Variants in ANXA11 observed in about 807,000 individuals in gnomAD.
The protein encoded by ANXA11 is annexin A11.
In ANXA11, 57 loss-of-function variants were observed where a neutral mutation model predicts 64.7. The ratio of observed to expected loss-of-function variants is 0.88; its 90% CI spans 0.71 to 1.10. ANXA11 has a LOEUF of 1.10. ANXA11 is among the 50% of genes least tolerant of loss of function. ANXA11 has a pLI of 0.00. For synonymous variants in ANXA11, 260 were observed against 265.2 expected, an observed-to-expected ratio of 0.98 and a Z score of 0.19; for missense variants, 675 against 670.7, an observed-to-expected ratio of 1.01 and a Z score of -0.07.
rs546511282 is a variant in ANXA11, at chr10:80,196,241, C to T, written c.-58+9102G>A. On this transcript the variant is annotated intron_variant, in intron 1 of 15. Transcript: ENST00000422982. ...GAAGGCTGAGCTGACTCTTGACATG[C>T]AAAGGTCACACACCCAAGTGCCAGA... Among the ~76,000 whole-genome samples the T allele has an allele frequency of 9.2e-5, 14 of 152,332 alleles. No homozygotes were observed. The South Asian group carries it at 2.7e-3, about 29-fold the overall frequency.
In ANXA11 at chr10:80,155,778, AACAG is replaced by A. The variant is rs2132351817; in HGVS notation, c.*71_*74del. 1 of 1,399,486 alleles carries A rather than the reference AACAG, an allele frequency of 7.1e-7. No individual in the cohort carries two copies. The highest frequency in any genetic ancestry group is 1.4e-5 in the African/African-American group (1 of 70,664). The allele number at this position is 1,399,486 out of a possible 1,614,324, so 86.7% of individuals were successfully genotyped here. On this transcript the variant is annotated 3_prime_UTR_variant, in exon 16 of 16. Transcript: ENST00000422982. ...CGGGGCTATTTGTGGATTTGTTAGA[AACAG>A]ACATTCTTTTGGCCTTTTCCTGGCA...
At chr10:80,166,620 A>C in intron 7 of ANXA11, 1 of 519,760 alleles carries the variant, frequency 1.9e-6, no homozygotes, top group Non-Finnish European at 3.5e-6. Context: ...GGGAAGGAAA[A>C]TGATGTGGCC....
chr10:80,186,041 G>A (rs1015881372), intron 1 of ANXA11, among the ~76,000 whole-genome samples: 3 of 152,200 alleles, frequency 2.0e-5, no homozygotes, highest in Admixed American at 6.5e-5. Flanking sequence ...CACAGACTCT[G>A]AAGCCAGACT....
intron 3 of ANXA11, chr10:80,171,668 G>C: frequency 1.0e-6 from 1 of 985,526 alleles, no homozygotes. Context: ...GGGGCCTCTG[G>C]CCTGTTAGAT....
intron 3 of ANXA11, among the ~76,000 whole-genome samples, chr10:80,172,290 A>G (rs1444557831): frequency 2.6e-5 from 4 of 152,142 alleles, no homozygotes; most frequent in African/African-American, 9.7e-5. Flanking sequence ...TTTGACCCTT[A>G]GCATCTGCCT....
chr10:80,192,301 A>C (rs1300079033), intron 1 of ANXA11, among the ~76,000 whole-genome samples: 1 of 152,228 alleles, frequency 6.6e-6, no homozygotes, highest in South Asian at 2.1e-4. Context: ...TATGCACTCT[A>C]ATCAGATTTT....
intron 10 of ANXA11, 53 bp from the exon 11 acceptor site, chr10:80,163,458 C>G (rs1845596379): frequency 6.2e-7 from 1 of 1,613,030 alleles, no homozygotes; most frequent in Non-Finnish European, 8.5e-7. Flanking sequence ...TTTATTTTCC[C>G]TTTCCTCATT....
intron 13 of ANXA11, 87 bp from the exon 14 acceptor site, chr10:80,158,112 G>T: frequency 1.6e-6 from 2 of 1,249,268 alleles, no homozygotes; most frequent in Non-Finnish European, 2.3e-6. Flanking sequence ...CCTCTTAGAG[G>T]CCCAGATGTC....
chr10:80,193,615 A>G (rs11202051), intron 1 of ANXA11, among the ~76,000 whole-genome samples: 95,833 of 151,644 alleles, frequency 0.63, 31,327 homozygotes, highest in African/African-American at 0.8. Context: ...AGGCTGAGGC[A>G]GGCAGATCAC....
At chr10:80,182,978 C>G (rs989552313) in intron 1 of ANXA11, among the ~76,000 whole-genome samples, 1 of 152,100 alleles carries the variant, frequency 6.6e-6, no homozygotes, top group Non-Finnish European at 1.5e-5. Context: ...CACATCTGGT[C>G]GCAGGGTGAA....
At chr10:80,200,396 C>G (rs535924197) in intron 1 of ANXA11, among the ~76,000 whole-genome samples, 6 of 152,276 alleles carry the variant, frequency 3.9e-5, no homozygotes, top group Admixed American at 2.0e-4. Flanking sequence ...ATGTATTCTC[C>G]TAAAACACAG....
chr10:80,159,354 T>G (rs905432429), intron 12 of ANXA11, among the ~76,000 whole-genome samples, 159 bp from the exon 13 acceptor site: 16 of 152,204 alleles, frequency 1.1e-4, no homozygotes, highest in Admixed American at 1.0e-3. Context: ...GGGTGTACCC[T>G]AATCCAATTC....
chr10:80,193,406 A>C (rs544475252), intron 1 of ANXA11, among the ~76,000 whole-genome samples: 47 of 152,332 alleles, frequency 3.1e-4, no homozygotes, highest in African/African-American at 1.1e-3. Flanking sequence ...TGCTGGCTTC[A>C]TTATAAGCCT....
At chr10:80,176,414 G>A (rs1033497420) in intron 1 of ANXA11, among the ~76,000 whole-genome samples, 8 of 152,164 alleles carry the variant, frequency 5.3e-5, no homozygotes, top group East Asian at 3.9e-4. Context: ...GAGTGTAGAC[G>A]TGCACGGACA....
Position 80,153,556 on chromosome 10 carries a change from C to T in ANXA11, c.*2297G>A, listed in dbSNP as rs561673030. 1.3e-5 allele frequency: 2 copies of T among 152,364 alleles called. No individual in the cohort carries two copies. Among genetic ancestry groups the T allele is most frequent in the South Asian group, 2.1e-4 (1 of 4,818 alleles). 9.4% of individuals were successfully genotyped at this position (152,364 alleles called of 1,614,324 possible). A position where few individuals can be genotyped will look rare whatever the true frequency, so the allele number is the denominator to read the frequency against. On this transcript the variant is annotated 3_prime_UTR_variant, in exon 16 of 16. Transcript: ENST00000422982. ...GGCCCCATCACAATTCAGGAGGCCC[C>T]CAGGGTCACCTTGAGTTCATGGCAA...
chr10:80,174,497 G>A (rs551935721), intron 2 of ANXA11, among the ~76,000 whole-genome samples: 22 of 150,244 alleles, frequency 1.5e-4, no homozygotes, highest in Admixed American at 1.3e-3. Context: ...GGCTGGTCTC[G>A]AACTCCTGAC....
At chr10:80,157,541 A>G (rs901613582) in intron 15 of ANXA11, 100 bp downstream of exon 15, 3 of 1,527,538 alleles carry the variant, frequency 2.0e-6, no homozygotes, top group Non-Finnish European at 2.6e-6. Flanking sequence ...ATGCCCACAC[A>G]CAGCACAGAG....
Position 80,166,092 on chromosome 10 carries a change from C to T in ANXA11, c.850G>A (p.Ala284Thr), listed in dbSNP as rs771474427. Reference protein sequence around the residue: ...VLFDIYEIKEAIKGVGTDEAC... With the variant: ...VLFDIYEIKETIKGVGTDEAC... ...CACACACACGTACACACCTTGATGG[C>T]TTCCTTTATCTCATAAATGTCAAAG... Residue 284 changes from alanine to threonine, a missense_variant, in exon 8 of 16, where the codon GCC becomes ACC. Coordinates refer to ENST00000422982, the MANE Select transcript of ANXA11 (RefSeq NM_145868.2). 1 of 1,587,304 alleles carries T rather than the reference C, an allele frequency of 6.3e-7. No individual in the cohort carries two copies. The highest frequency in any genetic ancestry group is 8.6e-7 in the Non-Finnish European group (1 of 1,157,946).
intron 4 of ANXA11, 129 bp from the exon 5 acceptor site, chr10:80,169,487 A>T: frequency 9.2e-7 from 1 of 1,089,984 alleles, no homozygotes; most frequent in Non-Finnish European, 1.3e-6. Context: ...GTACCGTTAT[A>T]CCCATTTCAC....
Sources: gnomAD v4.1 joint callset for allele counts (sites outside exome capture counted in the v4.1 genomes callset) on GRCh38, gnomAD v4.1.1 for gene constraint, MANE v1.5 for transcripts, NCBI Gene and HGNC (gene_info 2026-07-23, HGNC 2026-07-21) for gene names.